The following NPHP4 variants were observed in gnomAD, a reference collection of about 807,000 sequenced individuals.
The protein encoded by NPHP4 is nephrocystin-4.
Under a neutral mutation model 155.8 loss-of-function variants are expected in NPHP4, and 151 were observed. That is an observed-to-expected ratio of 0.97 (90% CI 0.85 to 1.11). The LOEUF is 1.11. Ranked by LOEUF, NPHP4 falls within the 50% of genes least tolerant of loss-of-function variation. The probability of loss-of-function intolerance (pLI) is 0.00; values close to 1 mark genes in which losing one functional copy is unlikely to be tolerated. For synonymous variants in NPHP4, 845 were observed against 816.8 expected, an observed-to-expected ratio of 1.03 and a Z score of -0.59; for missense variants, 1,956 against 1,925.7, an observed-to-expected ratio of 1.02 and a Z score of -0.29.
chr1:5,983,019 A>T (rs1228221666), intron 2 of NPHP4, among the ~76,000 whole-genome samples: 1 of 152,172 alleles, frequency 6.6e-6, no homozygotes, highest in African/African-American at 2.4e-5. Flanking sequence ...TTAAGAGATG[A>T]CAGGGTGATT....
intron 23 of NPHP4, chr1:5,868,435 T>C (rs182598083): frequency 4.4e-4 from 109 of 248,164 alleles, no homozygotes; most frequent in African/African-American, 2.4e-3. Flanking sequence ...AACCATATTG[T>C]CTGAAGAGGT....
At chr1:5,883,316 C>G in intron 18 of NPHP4, among the ~76,000 whole-genome samples, 1 of 151,998 alleles carries the variant, frequency 6.6e-6, no homozygotes, top group East Asian at 1.9e-4. Context: ...CCGATGTTCA[C>G]GCTCCGGGCC....
At chr1:5,978,243 G>A in intron 3 of NPHP4, 27 bp downstream of exon 3, 1 of 1,592,894 alleles carries the variant, frequency 6.3e-7, no homozygotes, top group Non-Finnish European at 8.6e-7. Flanking sequence ...CCTTGGAGCA[G>A]CCCCTGCCAC....
intron 11 of NPHP4, among the ~76,000 whole-genome samples, chr1:5,919,377 C>G (rs1465232850): frequency 6.6e-6 from 1 of 152,218 alleles, no homozygotes; most frequent in African/African-American, 2.4e-5. Flanking sequence ...CCACAGTGCC[C>G]TGTCCCCACA....
At position 5,948,123 on chromosome 1, in the gene NPHP4, G is replaced by A. The variant is rs948992122; in HGVS notation, c.939C>T (p.Ala313=). 1 of 1,613,668 alleles carries A rather than the reference G, an allele frequency of 6.2e-7. No homozygotes were observed. The highest frequency in any genetic ancestry group is 1.3e-5 in the African/African-American group (1 of 74,890). ...TGCTGAAGCTAGCTGAGCGCGTCAAGGCCACATCCATCTCAGGCACCAGTA... is the reference window on the plus strand; with the variant it reads ...TGCTGAAGCTAGCTGAGCGCGTCAAAGCCACATCCATCTCAGGCACCAGTA... ...VVVLVPEMDV[A]LTRSASFSRK... is the part of the protein sequence containing the mutation. Residue 313 remains alanine (A), a synonymous_variant, in exon 8 of 30, where the codon GCC becomes GCT. Coordinates refer to ENST00000378156, the MANE Select transcript of NPHP4 (RefSeq NM_015102.5).
intron 7 of NPHP4, among the ~76,000 whole-genome samples, chr1:5,948,457 G>A (rs1647264431): frequency 6.6e-6 from 1 of 152,228 alleles, no homozygotes; most frequent in Admixed American, 6.5e-5. Context: ...CACTGCCCGG[G>A]CAGTTTTGGC....
chr1:5,971,367 T>C (rs746571869), intron 3 of NPHP4, among the ~76,000 whole-genome samples: 3 of 152,230 alleles, frequency 2.0e-5, no homozygotes, highest in Non-Finnish European at 2.9e-5. Flanking sequence ...AAGTGCAGCA[T>C]GTTTGAAAAG....
In NPHP4 at chr1:5,880,213, C is replaced by T. The variant is rs750560329; in HGVS notation, c.2512G>A (p.Gly838Ser). 6.2e-7 allele frequency: 1 copy of T among 1,613,654 alleles called. No individual in the cohort carries two copies. Among genetic ancestry groups the T allele is most frequent in the South Asian group, 1.1e-5 (1 of 90,960 alleles). Reference protein sequence around the residue: ...VGHPCEQKVRGCSTLPPSRSR... With the variant: ...VGHPCEQKVRSCSTLPPSRSR... Reference sequence around the variant, plus strand: ...CTGGACGGTGGCAATGTGCTACAACCTCTCACTTTCTGTTCACACGGGTGA... The same window carrying T: ...CTGGACGGTGGCAATGTGCTACAACTTCTCACTTTCTGTTCACACGGGTGA... The change falls in exon 19 of 30, where the codon GGT becomes AGT. Residue 838 changes from glycine (G) to serine (S), a missense_variant. Transcript: ENST00000378156.
intron 2 of NPHP4, 88 bp downstream of exon 2, chr1:5,986,067 G>A (rs924354527): frequency 2.8e-5 from 41 of 1,459,302 alleles, no homozygotes; most frequent in Non-Finnish European, 3.3e-5. Context: ...TCAAAGCATC[G>A]TAAGCCAGGG....
intron 13 of NPHP4, 83 bp downstream of exon 13, chr1:5,907,032 C>T: frequency 2.8e-6 from 2 of 717,314 alleles, no homozygotes; most frequent in African/African-American, 1.8e-5. Flanking sequence ...TAACTAAGGA[C>T]AGGCACAGTG....
chr1:5,984,831 C>T (rs1295400362), intron 2 of NPHP4, among the ~76,000 whole-genome samples: 1 of 152,176 alleles, frequency 6.6e-6, no homozygotes, highest in Non-Finnish European at 1.5e-5. Context: ...GAGGGAAGGG[C>T]TATCAACTAT....
intron 12 of NPHP4, 77 bp downstream of exon 12, chr1:5,909,075 T>G: frequency 6.5e-6 from 8 of 1,222,980 alleles, no homozygotes; most frequent in Non-Finnish European, 9.4e-6. Flanking sequence ...CCACTGTGCT[T>G]AAGGGGGGAC....
At chr1:5,965,833 C>A (rs1207326384) in intron 5 of NPHP4, among the ~76,000 whole-genome samples, 1 of 152,164 alleles carries the variant, frequency 6.6e-6, no homozygotes, top group African/African-American at 2.4e-5. Flanking sequence ...GCTTTCGTGT[C>A]CCCTGCTTCA....
chr1:5,960,801 G>A (rs1386249229), intron 6 of NPHP4, among the ~76,000 whole-genome samples: 6 of 151,828 alleles, frequency 4.0e-5, no homozygotes, highest in South Asian at 2.1e-4. Context: ...TGCTGGGGTC[G>A]ACCCAATTCC....
intron 16 of NPHP4, among the ~76,000 whole-genome samples, chr1:5,897,712 C>T (rs943952280): frequency 1.3e-5 from 2 of 151,950 alleles, no homozygotes; most frequent in Non-Finnish European, 2.9e-5. Flanking sequence ...TACAGGAAAC[C>T]GGGCTGGATC....
intron 16 of NPHP4, among the ~76,000 whole-genome samples, chr1:5,897,436 C>T (rs1365144993): frequency 1.3e-5 from 2 of 152,156 alleles, no homozygotes; most frequent in Non-Finnish European, 2.9e-5. Flanking sequence ...ATTCGCGCCT[C>T]CTGAGGTGGT....
At chr1:5,874,353 C>G (rs1642326893) in intron 22 of NPHP4, 118 bp downstream of exon 22, 5 of 1,033,226 alleles carry the variant, frequency 4.8e-6, no homozygotes, top group Non-Finnish European at 6.8e-6. Context: ...TGGGCGGCAG[C>G]CCCAAGGCTA....
At position 5,892,650 on chromosome 1, in the gene NPHP4, A is replaced by C. The variant is rs1644190753; in HGVS notation, c.2144-1622T>G. ...CAAGACAGAGGGTCCCACTGGGTCG[A>C]GCTGTGTTTGGGACGCGCGTACTCT... On this transcript the variant is annotated intron_variant, in intron 16 of 29. Coordinates refer to ENST00000378156, the MANE Select transcript of NPHP4 (RefSeq NM_015102.5). This position sits in a 1 kb window ranked among gnomAD's most constrained non-coding sequence, Gnocchi z 4.5. 6.6e-6 allele frequency among the ~76,000 whole-genome samples: 1 copy of C among 152,036 alleles called. No homozygotes were observed. Among genetic ancestry groups the C allele is most frequent in the African/African-American group, 2.4e-5 (1 of 41,368 alleles).
intron 10 of NPHP4, among the ~76,000 whole-genome samples, chr1:5,928,607 CT>C (rs1646130319): frequency 6.6e-6 from 1 of 152,198 alleles, no homozygotes; most frequent in African/African-American, 2.4e-5. Flanking sequence ...CACTTCCAAA[CT>C]TTATTTCTGG....
Sources: gnomAD v4.1 joint callset for allele counts (sites outside exome capture counted in the v4.1 genomes callset) on GRCh38, gnomAD v4.1.1 for gene constraint, Gnocchi (gnomAD v3.1) non-coding constraint, MANE v1.5 for transcripts, NCBI Gene and HGNC (gene_info 2026-07-23, HGNC 2026-07-21) for gene names.